FOXN3: variants seen among roughly 807,000 people sequenced by gnomAD.
FOXN3 encodes forkhead box protein N3.
In FOXN3, 7 loss-of-function variants were observed where a neutral mutation model predicts 38.4. The observed-to-expected ratio is 0.18, with a 90% CI of 0.10 to 0.34. The LOEUF (loss-of-function observed/expected upper bound fraction) is 0.34, where lower values mean the gene tolerates loss of function less well. Ranked by LOEUF, FOXN3 falls within the 10% of genes least tolerant of loss-of-function variation. The probability of loss-of-function intolerance (pLI) is 1.00; values close to 1 mark genes in which losing one functional copy is unlikely to be tolerated. For synonymous variants in FOXN3, 230 were observed against 242.2 expected, an observed-to-expected ratio of 0.95 and a Z score of 0.47; for missense variants, 456 against 613.4, an observed-to-expected ratio of 0.74 and a Z score of 2.71.
At chr14:89,417,917 T>C, upstream of FOXN3, 3 of 345,646 alleles carry the variant, frequency 8.7e-6, no homozygotes, top group South Asian at 6.3e-5. Context: ...AAGTGGGTTG[T>C]GCGGAACGCC....
intron 1 of FOXN3, among the ~76,000 whole-genome samples, chr14:89,431,868 C>T (rs1421568886): frequency 6.6e-6 from 1 of 152,166 alleles, no homozygotes; most frequent in Non-Finnish European, 1.5e-5. Flanking sequence ...GCGCCCGCCA[C>T]CACGTCCAGC....
At chr14:89,289,066 T>C (rs1460747321) in intron 3 of FOXN3, among the ~76,000 whole-genome samples, 2 of 149,672 alleles carry the variant, frequency 1.3e-5, no homozygotes, top group African/African-American at 4.9e-5. Flanking sequence ...CCTATAACCC[T>C]AGCTACTCAG....
intron 1 of FOXN3, among the ~76,000 whole-genome samples, chr14:89,477,338 TC>T (rs893530332): frequency 5.0e-4 from 76 of 152,344 alleles, no homozygotes; most frequent in African/African-American, 1.7e-3. Flanking sequence ...GTTTTACACT[TC>T]CTTATCTTCC....
intron 3 of FOXN3, among the ~76,000 whole-genome samples, chr14:89,347,367 G>C (rs1365248092): frequency 6.6e-6 from 1 of 152,138 alleles, no homozygotes; most frequent in South Asian, 2.1e-4. Context: ...GACAGGCCAA[G>C]GAAGGCCAAA....
intron 1 of FOXN3, among the ~76,000 whole-genome samples, chr14:89,615,116 A>ATTTTTTTTTTTTTTT (rs374606775): frequency 2.8e-5 from 3 of 106,780 alleles, no homozygotes; most frequent in Non-Finnish European, 5.4e-5. Flanking sequence ...CCCAATTTCG[A>ATTTTTTTTTTTTTTT]TTTTTTTTTT....
intron 1 of FOXN3, among the ~76,000 whole-genome samples, chr14:89,610,254 C>T (rs372961649): frequency 1.4e-4 from 22 of 152,202 alleles, no homozygotes; most frequent in Non-Finnish European, 1.3e-4. Context: ...CTGCTACCAA[C>T]GGCATCAAGA....
intron 2 of FOXN3, among the ~76,000 whole-genome samples, chr14:89,401,137 C>T (rs3783845): frequency 0.36 from 55,042 of 152,038 alleles, 10,686 homozygotes; most frequent in East Asian, 0.62. Context: ...ATACAGAGTC[C>T]AATTTTTACT....
At chr14:89,579,898 A>T (rs1040975524) in intron 1 of FOXN3, among the ~76,000 whole-genome samples, 7 of 152,222 alleles carry the variant, frequency 4.6e-5, no homozygotes, top group Admixed American at 1.3e-4. Context: ...TCACTGCTAC[A>T]GAGTACATAC....
At chr14:89,233,563 G>C (rs1011962210) in intron 4 of FOXN3, among the ~76,000 whole-genome samples, 4 of 152,154 alleles carry the variant, frequency 2.6e-5, no homozygotes, top group African/African-American at 7.2e-5. Flanking sequence ...AAGGTCAACA[G>C]TTCCCTTTTT....
chr14:89,252,476 G>GC (rs1309041147), intron 4 of FOXN3, among the ~76,000 whole-genome samples: 1 of 152,114 alleles, frequency 6.6e-6, no homozygotes, highest in Non-Finnish European at 1.5e-5. Context: ...CCAACATGGT[G>GC]AAACCCCATC....
At chr14:89,183,025 G>GA (rs1256422699) in intron 4 of FOXN3, among the ~76,000 whole-genome samples, 1 of 152,180 alleles carries the variant, frequency 6.6e-6, no homozygotes, top group Non-Finnish European at 1.5e-5. Flanking sequence ...AATATAGGAG[G>GA]AAAAATAGCA....
At chr14:89,325,302 C>CACCAACACCACCACCACG (rs1888033282) in intron 3 of FOXN3, among the ~76,000 whole-genome samples, 1 of 138,430 alleles carries the variant, frequency 7.2e-6, no homozygotes, top group Non-Finnish European at 1.6e-5. Context: ...CCAACACCAA[C>CACCAACACCACCACCACG]ACCACCACCA....
intron 4 of FOXN3, among the ~76,000 whole-genome samples, chr14:89,188,934 G>C (rs886800709): frequency 6.6e-6 from 1 of 152,088 alleles, no homozygotes; most frequent in Non-Finnish European, 1.5e-5. Context: ...TAGTTATAGA[G>C]CTAGGCCAGT....
At chr14:89,409,984 T>C (rs1315053232) in intron 2 of FOXN3, among the ~76,000 whole-genome samples, 2 of 152,046 alleles carry the variant, frequency 1.3e-5, no homozygotes, top group East Asian at 3.9e-4. Flanking sequence ...ACCAGAAACT[T>C]ATGAATATTC....
chr14:89,299,162 C>T (rs2139944220), intron 3 of FOXN3, among the ~76,000 whole-genome samples: 1 of 152,308 alleles, frequency 6.6e-6, no homozygotes, highest in African/African-American at 2.4e-5. Flanking sequence ...GGCTGTGTCC[C>T]TACCCAAATC....
At chr14:89,506,501 TGGGG>T (rs201333681) in intron 1 of FOXN3, among the ~76,000 whole-genome samples, 432 of 141,046 alleles carry the variant, frequency 3.1e-3, no homozygotes, top group African/African-American at 0.011. Flanking sequence ...GGGAGGGAGG[TGGGG>T]GGGTCAGCCC....
At chr14:89,344,786 G>C (rs1354960686) in intron 3 of FOXN3, among the ~76,000 whole-genome samples, 1 of 152,208 alleles carries the variant, frequency 6.6e-6, no homozygotes. Context: ...TGGTGGGAAT[G>C]TGGACTAGAA....
chr14:89,350,360 T>C (rs1486811486), intron 3 of FOXN3: 1 of 203,480 alleles, frequency 4.9e-6, no homozygotes, highest in East Asian at 1.1e-4. Flanking sequence ...TGTACTTTTA[T>C]CCCAACAAAA....
At chr14:89,385,439 C>T (rs1281940320) in intron 2 of FOXN3, among the ~76,000 whole-genome samples, 2 of 147,334 alleles carry the variant, frequency 1.4e-5, no homozygotes, top group East Asian at 2.0e-4. Context: ...TAAAGCCATC[C>T]GTGTCCTGAG....
Sources: gnomAD v4.1 joint callset for allele counts (sites outside exome capture counted in the v4.1 genomes callset) on GRCh38, gnomAD v4.1.1 for gene constraint, MANE v1.5 for transcripts, NCBI Gene and HGNC (gene_info 2026-07-23, HGNC 2026-07-21) for gene names.